Variants in ZNF454 observed in about 807,000 individuals in gnomAD.
ZNF454 encodes the protein zinc finger protein 454.
ZNF454 carries 30 observed loss-of-function variants against 48.2 expected under a neutral mutation model. The ratio of observed to expected loss-of-function variants is 0.62; its 90% CI spans 0.47 to 0.84. The LOEUF is 0.84. Ranked by LOEUF, ZNF454 falls within the 40% of genes least tolerant of loss-of-function variation. The pLI is 0.00. For synonymous variants in ZNF454, 204 were observed against 211.4 expected (o/e 0.97, Z 0.30); for missense variants, 510 against 623.1 (o/e 0.82, Z 1.93).
chr5:178,958,372 T>C (rs1332784401), intron 4 of ZNF454, among the ~76,000 whole-genome samples: 1 of 152,218 alleles, frequency 6.6e-6, no homozygotes, highest in East Asian at 1.9e-4. Flanking sequence ...GTCTGGCTTC[T>C]TGCTTTCAAC....
downstream of ZNF454, among the ~76,000 whole-genome samples, chr5:178,966,899 A>G (rs1350973495): frequency 6.6e-6 from 1 of 151,896 alleles, no homozygotes; most frequent in Non-Finnish European, 1.5e-5. Flanking sequence ...GCCCCAAATG[A>G]CCCTCTTCTG....
downstream of ZNF454, chr5:178,969,549 G>T (rs1231677258): frequency 2.2e-6 from 1 of 456,990 alleles, no homozygotes; most frequent in Non-Finnish European, 4.4e-6. Context: ...TGGCCACCTG[G>T]TGATGTGCCA....
chr5:178,959,147 G>A (rs1271157677), intron 4 of ZNF454, among the ~76,000 whole-genome samples: 1 of 152,046 alleles, frequency 6.6e-6, no homozygotes, highest in Non-Finnish European at 1.5e-5. Flanking sequence ...TGAGTCTACA[G>A]TCCATATGGA....
chr5:178,974,866 T>C, the ZNF454 span, among the ~76,000 whole-genome samples: 4 of 152,222 alleles, frequency 2.6e-5, no homozygotes. Flanking sequence ...GGGTTTTAAA[T>C]GTGAAGCTTT....
chr5:178,983,286 A>G, the ZNF454 span: 5 of 1,415,806 alleles, frequency 3.5e-6, no homozygotes, highest in Non-Finnish European at 4.9e-6. Flanking sequence ...CAGCCCTGAC[A>G]GAGGCCCCTG....
At chr5:178,945,397 GTGTT>G (rs544274331) in intron 2 of ZNF454, among the ~76,000 whole-genome samples, 187 of 150,700 alleles carry the variant, frequency 1.2e-3, no homozygotes, top group African/African-American at 4.5e-3. Context: ...GAGTTTATGT[GTGTT>G]TGTGAGGGGT....
At chr5:178,982,011 C>T in the ZNF454 span, among the ~76,000 whole-genome samples, 3 of 152,120 alleles carry the variant, frequency 2.0e-5, no homozygotes, top group Non-Finnish European at 4.4e-5. Flanking sequence ...AGGGGCCCCG[C>T]GCCTGAGGGG....
intron 4 of ZNF454, among the ~76,000 whole-genome samples, chr5:178,952,702 C>CA (rs1759608045): frequency 6.6e-6 from 1 of 152,076 alleles, no homozygotes; most frequent in Admixed American, 6.5e-5. Context: ...TACTAGGTCT[C>CA]AGTATGTATT....
chr5:178,963,227 T>A (rs1274568485), intron 4 of ZNF454, among the ~76,000 whole-genome samples: 1 of 151,738 alleles, frequency 6.6e-6, no homozygotes, highest in East Asian at 2.0e-4. Context: ...CCAATTCAGA[T>A]TTTCTAGTTG....
At chr5:178,981,486 T>C in the ZNF454 span, 27,964 of 601,440 alleles carry the variant, frequency 0.046, 1,099 homozygotes, top group East Asian at 0.16. This position sits in a 1 kb window ranked among gnomAD's most constrained non-coding sequence, Gnocchi z 5.1. Flanking sequence ...GGAATCGGGG[T>C]AGAGCTGGGT....
the ZNF454 span, chr5:178,990,019 C>A: frequency 5.0e-6 from 1 of 198,060 alleles, no homozygotes; most frequent in South Asian, 1.0e-4. Flanking sequence ...AAATAAAAGG[C>A]GTGATGGTAT....
intron 4 of ZNF454, among the ~76,000 whole-genome samples, chr5:178,957,665 C>G (rs992867631): frequency 6.6e-6 from 1 of 152,102 alleles, no homozygotes; most frequent in African/African-American, 2.4e-5. Flanking sequence ...AGGGGTAGGT[C>G]TCCTTAATTT....
chr5:178,943,312 A>G (rs1759184957), intron 2 of ZNF454, among the ~76,000 whole-genome samples: 1 of 152,138 alleles, frequency 6.6e-6, no homozygotes, highest in South Asian at 2.1e-4. Context: ...CAGGTGTATC[A>G]CACGGTGAGA....
chr5:178,952,327 G>A (rs911016455), intron 4 of ZNF454, among the ~76,000 whole-genome samples: 1 of 152,178 alleles, frequency 6.6e-6, no homozygotes, highest in Non-Finnish European at 1.5e-5. Flanking sequence ...GTGAGCCACC[G>A]CGCCGAGGTT....
the ZNF454 span, among the ~76,000 whole-genome samples, chr5:178,984,555 G>A: frequency 6.6e-6 from 1 of 152,174 alleles, no homozygotes; most frequent in Non-Finnish European, 1.5e-5. Flanking sequence ...CAGTGGCTGA[G>A]GCTGGGGAGG....
the ZNF454 span, among the ~76,000 whole-genome samples, chr5:178,977,772 A>G: frequency 0.01 from 1,528 of 152,128 alleles, 74 homozygotes; most frequent in East Asian, 0.14. Flanking sequence ...TTTTGCCGAG[A>G]TGGTGTTTCG....
intron 4 of ZNF454, among the ~76,000 whole-genome samples, chr5:178,958,355 CTT>C (rs1439618141): frequency 6.6e-6 from 1 of 152,186 alleles, no homozygotes; most frequent in Non-Finnish European, 1.5e-5. Context: ...AGTATGTACT[CTT>C]TTGTGTCTGG....
downstream of ZNF454, among the ~76,000 whole-genome samples, chr5:178,967,167 G>T (rs533702320): frequency 6.6e-6 from 1 of 152,264 alleles, no homozygotes; most frequent in East Asian, 1.9e-4. Context: ...CCCTCCAATT[G>T]TTCTGTACTT....
rs1759323299 is a variant in ZNF454, at chr5:178,946,175, G to A, written c.34-184G>A. On this transcript the variant is annotated intron_variant, in intron 2 of 4. Transcript: ENST00000519564. The surrounding 1 kb of genome is among the most constrained non-coding windows in gnomAD (Gnocchi z 4.5). ...ATGTTTCTTCAGCGTGGAGAGCAATGTCTAGTCCAAGGCTAGGCCCCTAGG... is the reference window on the plus strand; with the variant it reads ...ATGTTTCTTCAGCGTGGAGAGCAATATCTAGTCCAAGGCTAGGCCCCTAGG... 6.6e-6 allele frequency among the ~76,000 whole-genome samples: 1 copy of A among 152,152 alleles called. No homozygotes were observed. Among genetic ancestry groups the A allele is most frequent in the Non-Finnish European group, 1.5e-5 (1 of 68,014 alleles).
Sources: gnomAD v4.1 joint callset for allele counts (sites outside exome capture counted in the v4.1 genomes callset) on GRCh38, gnomAD v4.1.1 for gene constraint, Gnocchi (gnomAD v3.1) non-coding constraint, MANE v1.5 for transcripts, NCBI Gene and HGNC (gene_info 2026-07-23, HGNC 2026-07-21) for gene names.